WDFY3: variants seen among roughly 807,000 people sequenced by gnomAD.
WDFY3 encodes the protein WD repeat and FYVE domain containing 3, also known as WD repeat and FYVE domain-containing protein 3.
WDFY3 carries 66 observed loss-of-function variants against 409.6 expected under a neutral mutation model. The ratio of observed to expected loss-of-function variants is 0.16; its 90% CI spans 0.13 to 0.20. The LOEUF is 0.20. Ranked by LOEUF, WDFY3 falls within the 10% of genes least tolerant of loss-of-function variation. The pLI is 1.00. For synonymous variants in WDFY3, 1,521 were observed against 1,537.1 expected (o/e 0.99, Z 0.25); for missense variants, 3,031 against 4,298.1 (o/e 0.71, Z 8.24).
chr4:84,724,973 T>G (rs1735433174), intron 45 of WDFY3, among the ~76,000 whole-genome samples: 1 of 152,204 alleles, frequency 6.6e-6, no homozygotes, highest in South Asian at 2.1e-4. Context: ...GTGAGGAGCC[T>G]GGAACTTCAC....
chr4:84,709,263 TA>T, intron 52 of WDFY3, 29 bp downstream of exon 52: 1 of 1,590,356 alleles, frequency 6.3e-7, no homozygotes, highest in Non-Finnish European at 8.6e-7. Context: ...TACGAACTTC[TA>T]AGGAAGCTCA....
At position 84,765,805 on chromosome 4, in the gene WDFY3, CA is replaced by C; in HGVS notation, c.5188+4del. The C allele has an allele frequency of 2.5e-6, 4 of 1,612,980 alleles. No homozygotes were observed. The highest frequency in any genetic ancestry group is 3.4e-6 in the Non-Finnish European group (4 of 1,179,524). ...TTCAAGCAGCTGACTAGAAAAGTCC[CA>C]TACCTAATACAGTTCCAATCTTATT... On this transcript the variant is annotated splice_donor_region_variant and intron_variant, in intron 32 of 67. Coordinates refer to ENST00000295888, the MANE Select transcript of WDFY3 (RefSeq NM_014991.6).
At position 84,688,130 on chromosome 4, in the gene WDFY3, C is replaced by A; in HGVS notation, c.9499G>T (p.Gly3167Trp). ...NKLSFLTQLR[G>W]HRAPVSALCI... ...AGAGCAGAAACTGGAGCTCGATGCC[C>A]TCGAAGCTGGGTTAGAAATGACAGT... Residue 3167 changes from glycine to tryptophan, a missense_variant, in exon 62 of 68, where the codon GGG becomes TGG. Physicochemically the swap from Gly to Trp is radical, Grantham distance 184 (BLOSUM62 -2). Around this residue, in one of 16 missense-constraint regions of WDFY3, gnomAD observed 378 missense variants for 477.3 expected, o/e 0.79. Transcript: ENST00000295888. 6.2e-7 allele frequency: 1 copy of A among 1,614,098 alleles called. No homozygotes were observed. Among genetic ancestry groups the A allele is most frequent in the Non-Finnish European group, 8.5e-7 (1 of 1,180,012 alleles).
At chr4:84,907,884 T>C (rs554089903) in intron 2 of WDFY3, among the ~76,000 whole-genome samples, 1 of 152,112 alleles carries the variant, frequency 6.6e-6, no homozygotes, top group South Asian at 2.1e-4. Flanking sequence ...TAGAAGGCCC[T>C]ACCTCAACAC....
rs185219102 is a variant in WDFY3 at position 84,736,119 on chromosome 4, A to G, written c.6915+51T>C. The G allele has an allele frequency of 2.3e-5, 36 of 1,552,252 alleles. No individual in the cohort carries two copies. In the African/African-American group the frequency reaches 5.0e-4, roughly 21 times the overall value. On this transcript the variant is annotated intron_variant, in intron 42 of 67. Transcript: ENST00000295888. ...AATCAATTGCTTGTACATGTTAAGT[A>G]TATTATACAAAATACTACAACTAAT...
intron 3 of WDFY3, among the ~76,000 whole-genome samples, chr4:84,888,748 C>T (rs1177990505): frequency 6.6e-6 from 1 of 151,922 alleles, no homozygotes; most frequent in Non-Finnish European, 1.5e-5. Flanking sequence ...TTTGGACATC[C>T]AGCTGTCAAA....
chr4:84,766,190 C>T, intron 31 of WDFY3, 62 bp downstream of exon 31: 5 of 1,520,950 alleles, frequency 3.3e-6, no homozygotes, highest in Non-Finnish European at 3.5e-6. Context: ...CCTTCTTTTG[C>T]CTAACATGAA....
intron 23 of WDFY3, 56 bp downstream of exon 23, chr4:84,787,426 T>C: frequency 4.6e-6 from 7 of 1,517,854 alleles, no homozygotes; most frequent in South Asian, 1.2e-5. Context: ...CACATGCATC[T>C]ATATTGCAGG....
At chr4:84,719,696 TAC>T (rs1223127847) in intron 47 of WDFY3, among the ~76,000 whole-genome samples, 1 of 151,918 alleles carries the variant, frequency 6.6e-6, no homozygotes, top group Non-Finnish European at 1.5e-5. Context: ...CACATACATA[TAC>T]ACACACACAC....
intron 61 of WDFY3, among the ~76,000 whole-genome samples, chr4:84,689,347 C>T (rs1436564275): frequency 6.6e-6 from 1 of 152,090 alleles, no homozygotes. Context: ...TTAGCAAACC[C>T]CAGGAAACTA....
At chr4:84,694,258 T>C (rs2148876369) in intron 58 of WDFY3, among the ~76,000 whole-genome samples, 1 of 152,326 alleles carries the variant, frequency 6.6e-6, no homozygotes, top group East Asian at 1.9e-4. Context: ...CTGAAGCACT[T>C]TTACGTGAGG....
intron 3 of WDFY3, among the ~76,000 whole-genome samples, chr4:84,893,223 C>CA (rs1020757291): frequency 1.6e-4 from 24 of 151,622 alleles, no homozygotes; most frequent in Non-Finnish European, 2.4e-4. Context: ...CTCTTTTCTG[C>CA]AAAAAAAAGG....
intron 63 of WDFY3, chr4:84,682,756 C>A (rs186536498): frequency 2.8e-5 from 9 of 316,334 alleles, no homozygotes; most frequent in Admixed American, 1.8e-4. Flanking sequence ...CCAAGATGGG[C>A]GGATCATTTG....
chr4:84,909,029 TACAC>T (rs145818813), intron 2 of WDFY3, among the ~76,000 whole-genome samples: 10 of 149,914 alleles, frequency 6.7e-5, no homozygotes, highest in African/African-American at 2.4e-4. Context: ...CACGTATCCA[TACAC>T]ACACACACAC....
intron 6 of WDFY3, among the ~76,000 whole-genome samples, chr4:84,840,055 G>C (rs1578761777): frequency 6.6e-6 from 1 of 152,116 alleles, no homozygotes. Flanking sequence ...CAGTTAAGTA[G>C]GTCCATTATT....
intron 57 of WDFY3, 85 bp from the exon 58 acceptor site, chr4:84,696,267 G>T (rs1730128189): frequency 2.4e-6 from 3 of 1,246,052 alleles, no homozygotes; most frequent in Admixed American, 4.4e-5. Context: ...GTGGTTAATA[G>T]GAACTAAAAT....
chr4:84,868,171 CAAAAAAAAAAAAAAAAAAAAAA>C (rs70943375), intron 3 of WDFY3, among the ~76,000 whole-genome samples: 1 of 38,442 alleles, frequency 2.6e-5, no homozygotes, highest in Non-Finnish European at 4.4e-5. Context: ...GACTCTGTCT[CAAAAAAAAAAAAAAAAAAAAAA>C]AAAAAAAAAA....
At chr4:84,917,132 C>T (rs971492728) in intron 2 of WDFY3, among the ~76,000 whole-genome samples, 1 of 152,090 alleles carries the variant, frequency 6.6e-6, no homozygotes, top group Non-Finnish European at 1.5e-5. Flanking sequence ...CATCAATCGG[C>T]GCCAAGCCCT....
In WDFY3 at chr4:84,751,466, C is replaced by A; in HGVS notation, c.5973+17G>T. Reference sequence around the variant, plus strand: ...AAGTAATGCAAAAGAGATGTAAATGCGTTTCTTTTTCTTTACCTCCAACAA... The same window carrying A: ...AAGTAATGCAAAAGAGATGTAAATGAGTTTCTTTTTCTTTACCTCCAACAA... On this transcript the variant is annotated intron_variant, in intron 36 of 67. Transcript: ENST00000295888. The A allele has an allele frequency of 1.1e-5, 17 of 1,610,512 alleles. No homozygotes were observed. Among genetic ancestry groups the A allele is most frequent in the Non-Finnish European group, 1.4e-5 (17 of 1,176,832 alleles).
Sources: allele counts gnomAD v4.1 joint callset (sites outside exome capture counted in the v4.1 genomes callset), GRCh38; gene constraint gnomAD v4.1.1; regional missense constraint gnomAD v4.1.1; transcripts MANE v1.5; gene names NCBI Gene and HGNC (gene_info 2026-07-23, HGNC 2026-07-21).